The following DCC variants were observed in gnomAD, a reference collection of about 807,000 sequenced individuals.
DCC encodes netrin receptor DCC.
Under a neutral mutation model 172.5 loss-of-function variants are expected in DCC, and 58 were observed. The ratio of observed to expected loss-of-function variants is 0.34; its 90% CI spans 0.27 to 0.42. The LOEUF is 0.42. DCC is among the 10% of genes least tolerant of loss of function. The pLI is 1.00. For missense variants in DCC, 1,740 were observed against 1,791.0 expected (o/e 0.97, Z 0.51); for synonymous variants, 709 against 644.5 (o/e 1.10, Z -1.52).
At chr18:52,892,765 T>C (rs968492100) in intron 2 of DCC, among the ~76,000 whole-genome samples, 3 of 152,148 alleles carry the variant, frequency 2.0e-5, no homozygotes, top group Non-Finnish European at 4.4e-5. Flanking sequence ...AGGTTGAAAA[T>C]CACACAAGTT....
At chr18:53,087,161 C>G (rs569660650) in intron 7 of DCC, among the ~76,000 whole-genome samples, 1 of 152,224 alleles carries the variant, frequency 6.6e-6, no homozygotes, top group East Asian at 1.9e-4. Context: ...GTCCTAGATC[C>G]ATGAAGAATC....
At chr18:52,717,267 G>C (rs1480780097) in intron 1 of DCC, among the ~76,000 whole-genome samples, 1 of 151,956 alleles carries the variant, frequency 6.6e-6, no homozygotes, top group Admixed American at 6.6e-5. Flanking sequence ...TTTTATTTTA[G>C]GTCATTAAAC....
intron 2 of DCC, among the ~76,000 whole-genome samples, chr18:52,790,974 C>T (rs2037754975): frequency 6.6e-6 from 1 of 152,164 alleles, no homozygotes; most frequent in Non-Finnish European, 1.5e-5. Flanking sequence ...ACCCTCGTGG[C>T]ATCACCTCCA....
At chr18:53,227,544 C>T (rs913489265) in intron 12 of DCC, among the ~76,000 whole-genome samples, 33 of 152,128 alleles carry the variant, frequency 2.2e-4, no homozygotes, top group Non-Finnish European at 8.8e-5. Flanking sequence ...TCACGTTTCC[C>T]TAGCATTTTG....
chr18:53,460,370 C>T (rs1440118889), intron 24 of DCC, among the ~76,000 whole-genome samples: 4 of 140,506 alleles, frequency 2.8e-5, no homozygotes, highest in Admixed American at 1.5e-4. Flanking sequence ...CATGCTGGTG[C>T]GCTGCACCCA....
chr18:52,547,165 G>A (rs2032639611), intron 1 of DCC, among the ~76,000 whole-genome samples: 1 of 152,128 alleles, frequency 6.6e-6, no homozygotes, highest in South Asian at 2.1e-4. Flanking sequence ...TAATCTTCAA[G>A]TCTTATCCAA....
chr18:52,954,754 G>A lies in DCC; in HGVS notation c.985+29384G>A, dbSNP rs138735610. Among the ~76,000 whole-genome samples the A allele has an allele frequency of 4.5e-3, 688 of 152,200 alleles. 1 individual carries two copies. Among genetic ancestry groups the A allele is most frequent in the Non-Finnish European group, 7.1e-3 (486 of 67,992 alleles). On this transcript the variant is annotated intron_variant, in intron 5 of 28. Transcript: ENST00000442544. ...TAAATGGAGCAAATGGAGTTGATTC[G>A]TTCCTCAGTCTCTTGTAAGTCTATT... is the stretch of plus-strand genomic sequence containing the variant.
At chr18:53,215,676 G>A (rs139122378) in intron 12 of DCC, 79 bp downstream of exon 12, 1 of 1,168,882 alleles carries the variant, frequency 8.6e-7, no homozygotes, top group Non-Finnish European at 1.3e-6. Context: ...CCCAACTGCT[G>A]TCTTGAGTAC....
intron 26 of DCC, among the ~76,000 whole-genome samples, chr18:53,497,605 T>C (rs1296809138): frequency 3.3e-5 from 5 of 152,222 alleles, no homozygotes; most frequent in Non-Finnish European, 5.9e-5. Flanking sequence ...TCATTGTCTC[T>C]AGAACCACAC....
intron 21 of DCC, among the ~76,000 whole-genome samples, chr18:53,434,577 A>G (rs1911821040): frequency 6.6e-6 from 1 of 152,198 alleles, no homozygotes; most frequent in South Asian, 2.1e-4. Flanking sequence ...GTGTATTTGT[A>G]GGAAATATTC....
At chr18:52,347,480 A>G (rs1309337641) in intron 1 of DCC, among the ~76,000 whole-genome samples, 1 of 152,094 alleles carries the variant, frequency 6.6e-6, no homozygotes, top group Non-Finnish European at 1.5e-5. Context: ...TATTTTTCCC[A>G]TCAATTGACC....
chr18:53,012,579 G>T (rs2041745926), intron 5 of DCC, among the ~76,000 whole-genome samples: 1 of 152,126 alleles, frequency 6.6e-6, no homozygotes, highest in South Asian at 2.1e-4. Flanking sequence ...TCTTGATTTT[G>T]TTGGTGTAGA....
intron 7 of DCC, among the ~76,000 whole-genome samples, chr18:53,105,629 G>T (rs2043233598): frequency 6.6e-6 from 1 of 151,836 alleles, no homozygotes; most frequent in African/African-American, 2.4e-5. Flanking sequence ...TTCATACACT[G>T]GCTTCATTAA....
chr18:52,907,259 C>T (rs1464039154), intron 3 of DCC, among the ~76,000 whole-genome samples: 1 of 143,900 alleles, frequency 6.9e-6, no homozygotes, highest in Non-Finnish European at 1.5e-5. Context: ...CATGATATGT[C>T]ATGGATATAT....
At chr18:53,171,683 G>T (rs143032593) in intron 8 of DCC, among the ~76,000 whole-genome samples, 2 of 151,824 alleles carry the variant, frequency 1.3e-5, no homozygotes, top group Admixed American at 1.3e-4. Flanking sequence ...ATTTTCTTGC[G>T]TCCCTTTCCT....
chr18:52,459,594 A>G (rs1988564670), intron 1 of DCC, among the ~76,000 whole-genome samples: 2 of 151,702 alleles, frequency 1.3e-5, no homozygotes, highest in African/African-American at 4.8e-5. Context: ...CAGCCTCCCC[A>G]GTAGCTGGGA....
chr18:52,765,410 G>A (rs2037231353), intron 2 of DCC, among the ~76,000 whole-genome samples: 1 of 152,060 alleles, frequency 6.6e-6, no homozygotes, highest in Non-Finnish European at 1.5e-5. Flanking sequence ...TGATAAATGT[G>A]CATTCTGGTG....
chr18:53,474,097 G>A (rs2045732354), intron 25 of DCC, among the ~76,000 whole-genome samples: 1 of 152,020 alleles, frequency 6.6e-6, no homozygotes, highest in Admixed American at 6.6e-5. Context: ...AAATTTATAA[G>A]AATATTCTGA....
At position 52,439,174 on chromosome 18, in the gene DCC, T is replaced by TTTTGTG. The variant is rs74178668; in HGVS notation, c.91+98297_91+98298insTTGTGT. On this transcript the variant is annotated intron_variant, in intron 1 of 28. Transcript: ENST00000442544. ...CTGTTAATATTTTGGAAGATATGTT[T>TTTTGTG]TGTGTGTGTGTGTGTGTGTGTGTGT... 3.2e-4 allele frequency among the ~76,000 whole-genome samples: 46 copies of TTTTGTG among 144,852 alleles called. 1 individual carries two copies. Among genetic ancestry groups the TTTTGTG allele is most frequent in the Admixed American group, 2.6e-3 (38 of 14,462 alleles).
Sources: gnomAD v4.1 joint callset for allele counts (sites outside exome capture counted in the v4.1 genomes callset) on GRCh38, gnomAD v4.1.1 for gene constraint, MANE v1.5 for transcripts, NCBI Gene and HGNC (gene_info 2026-07-23, HGNC 2026-07-21) for gene names.